The following RADX variants were observed in gnomAD, a reference collection of about 807,000 sequenced individuals.
RADX encodes RPA1 related single stranded DNA binding protein, X-linked, also known as RPA-related protein RADX.
In RADX, 36 loss-of-function variants were observed where a neutral mutation model predicts 61.6. The ratio of observed to expected loss-of-function variants is 0.58; its 90% CI spans 0.45 to 0.77. The LOEUF is 0.77. RADX is among the 30% of genes least tolerant of loss of function. The pLI, the probability that RADX is intolerant of heterozygous loss-of-function variation, is 0.00. For missense variants in RADX, 497 were observed against 651.1 expected (o/e 0.76, Z 2.58); for synonymous variants, 272 against 237.9 (o/e 1.14, Z -1.32).
chrX:106,637,754 G>T lies in RADX; in HGVS notation c.1409-6G>T. On this transcript the variant is annotated splice_region_variant and splice_polypyrimidine_tract_variant and intron_variant, in intron 7 of 13. Transcript: ENST00000372548. The stretch of plus-strand genomic sequence containing the variant: ...ATTTTTTATGATTTACCCTTCCCGC[G>T]AGGAGGTCATAGAGGCCAGCCGTAT... 8.8e-7 allele frequency: 1 copy of T among 1,136,834 alleles called. No homozygotes were observed. The highest frequency in any genetic ancestry group is 1.2e-6 in the Non-Finnish European group (1 of 856,784). 93.7% of individuals were successfully genotyped at this position (1,136,834 alleles called of 1,213,427 possible). A position where few individuals can be genotyped will look rare whatever the true frequency, so the allele number is the denominator to read the frequency against.
At chrX:106,633,352 T>C in intron 6 of RADX, 100 bp downstream of exon 6, 1 of 714,933 alleles carries the variant, frequency 1.4e-6, no homozygotes, top group Non-Finnish European at 2.0e-6. Context: ...TGACATTGAG[T>C]TGGCAATTCA....
intron 12 of RADX, among the ~76,000 whole-genome samples, chrX:106,664,410 T>C (rs1928178399): frequency 9.0e-6 from 1 of 111,132 alleles, no homozygotes; most frequent in Non-Finnish European, 1.9e-5. Flanking sequence ...AACCCTGCTA[T>C]TTTTTCTCTC....
chrX:106,678,318 C>T lies in RADX; in HGVS notation c.*60C>T. 7.3e-6 allele frequency: 6 copies of T among 822,357 alleles called. No individual in the cohort carries two copies. Among genetic ancestry groups the T allele is most frequent in the Non-Finnish European group, 1.0e-5 (6 of 584,409 alleles). 67.8% of individuals were successfully genotyped at this position (822,357 alleles called of 1,213,427 possible). A position where few individuals can be genotyped will look rare whatever the true frequency, so the allele number is the denominator to read the frequency against. ...GTGTACTGCTTTAAAGATATTCCAT[C>T]ATTTTGCTGGTAATTTCAGTAACTG... On this transcript the variant is annotated 3_prime_UTR_variant, in exon 14 of 14. Coordinates refer to ENST00000372548, the MANE Select transcript of RADX (RefSeq NM_018015.6).
intron 12 of RADX, among the ~76,000 whole-genome samples, chrX:106,667,145 G>C (rs764184632): frequency 1.8e-5 from 2 of 111,270 alleles, no homozygotes; most frequent in African/African-American, 3.3e-5. Context: ...AGTAGGAAAG[G>C]GTTAAATTTT....
chrX:106,652,702 C>T (rs1927825252), intron 11 of RADX, among the ~76,000 whole-genome samples: 1 of 106,337 alleles, frequency 9.4e-6, no homozygotes, highest in Non-Finnish European at 1.9e-5. Context: ...AATGCACACA[C>T]ACACACACAC....
intron 12 of RADX, among the ~76,000 whole-genome samples, chrX:106,667,200 G>A (rs1294163686): frequency 8.9e-6 from 1 of 111,841 alleles, no homozygotes; most frequent in African/African-American, 3.3e-5. Context: ...CAGAAACTTG[G>A]GGGAGATGTA....
At chrX:106,614,648 A>G (rs768147243) in intron 1 of RADX, among the ~76,000 whole-genome samples, 34 of 111,649 alleles carry the variant, frequency 3.0e-4, no homozygotes, top group Non-Finnish European at 5.3e-4. Flanking sequence ...GAGAATGCCC[A>G]TTTCCCCATA....
At chrX:106,618,866 G>A (rs779095899) in intron 1 of RADX, among the ~76,000 whole-genome samples, 1 of 111,320 alleles carries the variant, frequency 9.0e-6, no homozygotes, top group East Asian at 2.8e-4. Flanking sequence ...TTTCCATTTT[G>A]TTTTAGGGTT....
chrX:106,620,363 A>G (rs922336411), intron 1 of RADX, among the ~76,000 whole-genome samples: 1 of 111,396 alleles, frequency 9.0e-6, no homozygotes, highest in Non-Finnish European at 1.9e-5. Flanking sequence ...TTCTTAGTCT[A>G]CTTTATAGTA....
chrX:106,665,573 C>G (rs937041170), intron 12 of RADX, among the ~76,000 whole-genome samples: 1 of 107,964 alleles, frequency 9.3e-6, no homozygotes, highest in African/African-American at 3.4e-5. Context: ...TTACCCTGTT[C>G]TAGACCCCTG....
At chrX:106,655,752 T>C (rs1298780307) in intron 11 of RADX, among the ~76,000 whole-genome samples, 1 of 111,697 alleles carries the variant, frequency 9.0e-6, no homozygotes, top group African/African-American at 3.3e-5. Context: ...TGATGGACAT[T>C]TGGGTTGGTT....
At chrX:106,663,757 C>A (rs1428193281) in intron 12 of RADX, among the ~76,000 whole-genome samples, 3 of 111,273 alleles carry the variant, frequency 2.7e-5, no homozygotes, top group African/African-American at 9.8e-5. Context: ...CACTTATATA[C>A]CCACAACATT....
At chrX:106,617,691 G>C (rs1373833559) in intron 1 of RADX, among the ~76,000 whole-genome samples, 1 of 111,490 alleles carries the variant, frequency 9.0e-6, no homozygotes, top group Non-Finnish European at 1.9e-5. Context: ...CAGTCTTTTT[G>C]GTAGCATATT....
chrX:106,638,723 T>C (rs1008073396), intron 8 of RADX: 16 of 112,141 alleles, frequency 1.4e-4, no homozygotes, highest in African/African-American at 4.5e-4. Flanking sequence ...GTCCAATGTA[T>C]TTCAGAGAAG....
intron 10 of RADX, among the ~76,000 whole-genome samples, chrX:106,644,551 C>T (rs1927610403): frequency 9.0e-6 from 1 of 110,874 alleles, no homozygotes; most frequent in South Asian, 3.7e-4. Flanking sequence ...ATCCTTTTTT[C>T]TGTTGATATG....
At chrX:106,667,443 A>C (rs966020206) in intron 12 of RADX, among the ~76,000 whole-genome samples, 1 of 110,576 alleles carries the variant, frequency 9.0e-6, no homozygotes, top group Non-Finnish European at 1.9e-5. Context: ...CTGCCTCCCA[A>C]GTAGCTGGGA....
chrX:106,629,145 A>T (rs1276290648), intron 3 of RADX, among the ~76,000 whole-genome samples: 1 of 111,920 alleles, frequency 8.9e-6, no homozygotes, highest in Non-Finnish European at 1.9e-5. Context: ...ACTGTATTAC[A>T]TAATGCATAT....
Position 106,678,372 on chromosome X carries a change from A to G in RADX, c.*114A>G, listed in dbSNP as rs1928561137. On this transcript the variant is annotated 3_prime_UTR_variant, in exon 14 of 14. Coordinates refer to ENST00000372548, the MANE Select transcript of RADX (RefSeq NM_018015.6). ...TCAGCAAGAATATTACATGAGCTCT[A>G]AAGTTATTAAGCAGTTTTATGTTCG... is the stretch of plus-strand genomic sequence containing the variant. The G allele has an allele frequency of 2.0e-6, 1 of 510,683 alleles. No individual in the cohort carries two copies. The highest frequency in any genetic ancestry group is 3.5e-5 in the East Asian group (1 of 28,433). The allele number at this position is 510,683 out of a possible 1,213,427, so 42.1% of individuals were successfully genotyped here.
At chrX:106,673,234 G>A (rs1003427433) in intron 13 of RADX, among the ~76,000 whole-genome samples, 2 of 111,405 alleles carry the variant, frequency 1.8e-5, no homozygotes, top group Non-Finnish European at 3.8e-5. Context: ...AATGTGCTGA[G>A]TCTTACCTGA....
Sources: gnomAD v4.1 joint callset for allele counts (sites outside exome capture counted in the v4.1 genomes callset) on GRCh38, gnomAD v4.1.1 for gene constraint, MANE v1.5 for transcripts, NCBI Gene and HGNC (gene_info 2026-07-23, HGNC 2026-07-21) for gene names.